Variants in RPS29 observed in about 807,000 individuals in gnomAD.
RPS29 encodes the protein ribosomal protein S29.
For missense variants in RPS29, 60 were observed against 75.7 expected (o/e 0.79, Z 0.77); for synonymous variants, 37 against 26.9 (o/e 1.37, Z -1.16).
exon 3 of RPS29, chr14:49,572,347 G>A (rs1881075284): frequency 6.6e-6 from 1 of 152,226 alleles, no homozygotes; most frequent in Non-Finnish European, 1.5e-5. Context: ...CCTTTAACTT[G>A]TGGGGTCTTC....
chr14:49,586,466 T>C, upstream of RPS29: 1 of 868,162 alleles, frequency 1.2e-6, no homozygotes. Context: ...CGCAGTGTGG[T>C]CAGGTTGTTT....
chr14:49,593,139 G>C (rs17774889), intron 1 of RPS29, among the ~76,000 whole-genome samples: 63,394 of 152,034 alleles, frequency 0.42, 15,439 homozygotes, highest in Non-Finnish European at 0.55. Context: ...TGCATGTAAG[G>C]CTGCTGTATT....
chr14:49,571,211 G>A (rs1881047708), exon 3 of RPS29: 1 of 152,250 alleles, frequency 6.6e-6, no homozygotes, highest in Admixed American at 6.5e-5. Flanking sequence ...GGTGAAAATT[G>A]GTCAAGAAAA....
At chr14:49,597,549 TGTA>T (rs768774736) in intron 1 of RPS29, 9 of 152,192 alleles carry the variant, frequency 5.9e-5, no homozygotes, top group Non-Finnish European at 1.0e-4. Flanking sequence ...GTCTGAAAAT[TGTA>T]GTGTCCGTTT....
exon 3 of RPS29, chr14:49,576,782 C>A (rs1881194290): frequency 6.6e-6 from 1 of 152,178 alleles, no homozygotes; most frequent in Non-Finnish European, 1.5e-5. Flanking sequence ...ATCACGAGAA[C>A]TGATGGTTTT....
exon 3 of RPS29, chr14:49,576,710 G>A (rs1371851405): frequency 6.6e-6 from 1 of 151,248 alleles, no homozygotes; most frequent in Admixed American, 6.6e-5. Flanking sequence ...GAGGGACCCG[G>A]TGGGAGATAA....
intron 2 of RPS29, among the ~76,000 whole-genome samples, chr14:49,585,016 T>C (rs895953156): frequency 5.3e-5 from 8 of 152,158 alleles, no homozygotes; most frequent in African/African-American, 1.9e-4. Flanking sequence ...GTTTGCTGAA[T>C]CTTAACAATG....
exon 3 of RPS29, chr14:49,571,447 A>T (rs1881053165): frequency 6.6e-6 from 1 of 152,126 alleles, no homozygotes; most frequent in Non-Finnish European, 1.5e-5. Flanking sequence ...AGTAACAGGG[A>T]TATCTTTGTT....
At chr14:49,581,564 G>A (rs553894528), downstream of RPS29, among the ~76,000 whole-genome samples, 2 of 152,322 alleles carry the variant, frequency 1.3e-5, no homozygotes, top group African/African-American at 4.8e-5. Flanking sequence ...AGCCTCCCAA[G>A]TAGCTAGGCG....
downstream of RPS29, among the ~76,000 whole-genome samples, chr14:49,578,946 A>G (rs547689202): frequency 4.5e-4 from 69 of 152,334 alleles, no homozygotes; most frequent in African/African-American, 1.6e-3. Context: ...CTTACTAGCT[A>G]TACAATCTTG....
intron 2 of RPS29, chr14:49,577,979 G>A (rs1010780985): frequency 6.0e-6 from 4 of 669,574 alleles, no homozygotes; most frequent in Non-Finnish European, 1.1e-5. Context: ...TAGATTGAGT[G>A]GAATTAATTC....
upstream of RPS29, among the ~76,000 whole-genome samples, chr14:49,590,083 G>A (rs1049018705): frequency 1.3e-5 from 2 of 152,276 alleles, no homozygotes; most frequent in East Asian, 3.9e-4. Flanking sequence ...TACCTATTAG[G>A]TACTAAGCTT....
chr14:49,593,907 T>C (rs1555324602), intron 1 of RPS29, among the ~76,000 whole-genome samples: 1 of 152,022 alleles, frequency 6.6e-6, no homozygotes, highest in Non-Finnish European at 1.5e-5. Context: ...TTGTGATGAG[T>C]AGAAATCCAT....
upstream of RPS29, chr14:49,586,679 C>T (rs1016419911): frequency 1.6e-5 from 5 of 305,720 alleles, no homozygotes; most frequent in Admixed American, 4.1e-5. Flanking sequence ...TGCGCTATGC[C>T]GATCGGGTGT....
downstream of RPS29, among the ~76,000 whole-genome samples, chr14:49,579,877 G>C (rs1281393909): frequency 3.3e-5 from 5 of 152,034 alleles, no homozygotes; most frequent in Non-Finnish European, 5.9e-5. Context: ...CAGTCGTTTT[G>C]TCTCTTTCTT....
At chr14:49,581,157 T>C (rs567040127), downstream of RPS29, among the ~76,000 whole-genome samples, 20 of 151,748 alleles carry the variant, frequency 1.3e-4, no homozygotes, top group African/African-American at 4.1e-4. Context: ...ACTGCAGCAC[T>C]CCAGCCTGGG....
chr14:49,588,953 G>A (rs1329529838), upstream of RPS29, among the ~76,000 whole-genome samples: 1 of 138,582 alleles, frequency 7.2e-6, no homozygotes, highest in Non-Finnish European at 1.5e-5. Flanking sequence ...GTGTAGTGGT[G>A]CGATCTCGGC....
At chr14:49,586,534 T>A, upstream of RPS29, 1 of 618,572 alleles carries the variant, frequency 1.6e-6, no homozygotes, top group Non-Finnish European at 2.9e-6. Flanking sequence ...GTTGATGACG[T>A]CACCATACCA....
downstream of RPS29, among the ~76,000 whole-genome samples, chr14:49,582,012 C>CCA (rs71115379): frequency 1.4e-4 from 15 of 106,512 alleles, no homozygotes; most frequent in African/African-American, 5.4e-4. Context: ...CCCTGCCCCC[C>CCA]AAAAAAAAAA....
Sources: allele counts gnomAD v4.1 joint callset (sites outside exome capture counted in the v4.1 genomes callset), GRCh38; gene constraint gnomAD v4.1.1; transcripts MANE v1.5; gene names NCBI Gene and HGNC (gene_info 2026-07-23, HGNC 2026-07-21).